Variants in UBE3D observed in about 807,000 individuals in gnomAD.
UBE3D encodes ubiquitin protein ligase E3D.
UBE3D carries 48 observed loss-of-function variants against 49.6 expected under a neutral mutation model. The ratio of observed to expected loss-of-function variants is 0.97; its 90% CI spans 0.77 to 1.23. The LOEUF is 1.23. Ranked by LOEUF, UBE3D falls within the 50% of genes most tolerant of loss-of-function variation. The pLI, the probability that UBE3D is intolerant of heterozygous loss-of-function variation, is 0.00. For missense variants in UBE3D, 452 were observed against 468.4 expected, an observed-to-expected ratio of 0.96 and a Z score of 0.32; for synonymous variants, 189 against 174.2, an observed-to-expected ratio of 1.08 and a Z score of -0.67.
intron 5 of UBE3D, among the ~76,000 whole-genome samples, chr6:83,034,597 C>T (rs1162821427): frequency 6.6e-6 from 1 of 151,960 alleles, no homozygotes; most frequent in Non-Finnish European, 1.5e-5. Context: ...GCACCATCTC[C>T]CCCGTCTCAC....
At chr6:82,909,740 T>C (rs976200406) in intron 9 of UBE3D, among the ~76,000 whole-genome samples, 1 of 152,216 alleles carries the variant, frequency 6.6e-6, no homozygotes, top group African/African-American at 2.4e-5. Context: ...GTCACCTTCA[T>C]GTTGATTCTC....
intron 9 of UBE3D, among the ~76,000 whole-genome samples, chr6:82,913,174 G>A (rs1772652917): frequency 6.6e-6 from 1 of 152,160 alleles, no homozygotes. Flanking sequence ...GTTTCCTCAT[G>A]TGAAAAACAG....
intron 9 of UBE3D, among the ~76,000 whole-genome samples, chr6:82,908,492 A>T (rs1304808181): frequency 6.6e-6 from 1 of 152,202 alleles, no homozygotes; most frequent in Non-Finnish European, 1.5e-5. Flanking sequence ...TATACAATTC[A>T]TCCTTGTAAC....
chr6:82,971,542 CAA>C (rs1189128844), intron 8 of UBE3D, among the ~76,000 whole-genome samples: 8 of 151,916 alleles, frequency 5.3e-5, no homozygotes, highest in African/African-American at 1.9e-4. Context: ...AGTGTGAATG[CAA>C]AGTGTTTAGG....
chr6:82,911,223 A>AAAAAT (rs1772496649), intron 9 of UBE3D, among the ~76,000 whole-genome samples: 9 of 149,356 alleles, frequency 6.0e-5, no homozygotes, highest in African/African-American at 1.5e-4. Flanking sequence ...AAAAAAAAAA[A>AAAAAT]CTCAGGGGGG....
intron 8 of UBE3D, among the ~76,000 whole-genome samples, chr6:82,961,065 G>A (rs1409664704): frequency 6.6e-6 from 1 of 152,104 alleles, no homozygotes; most frequent in East Asian, 1.9e-4. Context: ...GGCCCATGAT[G>A]CTTTGGACCT....
Position 82,966,599 on chromosome 6 carries a change from G to C in UBE3D, c.1011-9149C>G, listed in dbSNP as rs1265720912. ...CGGGAGGCGGAGCTTGCAGTGAGCCGAGATCCCGCCACTGCACTCCAGCCT... is the reference window on the plus strand; with the variant it reads ...CGGGAGGCGGAGCTTGCAGTGAGCCCAGATCCCGCCACTGCACTCCAGCCT... On this transcript the variant is annotated intron_variant, in intron 8 of 9. Transcript: ENST00000369747. 2.2e-4 allele frequency among the ~76,000 whole-genome samples: 14 copies of C among 63,678 alleles called. 2 individuals are homozygous for C. The highest frequency in any genetic ancestry group is 3.6e-4 in the Non-Finnish European group (12 of 33,470). The allele number at this position is 63,678 out of a possible 152,430, so 41.8% of individuals were successfully genotyped here. A position where few individuals can be genotyped will look rare whatever the true frequency, so the allele number is the denominator to read the frequency against.
At chr6:82,956,940 C>G (rs1039917524) in intron 9 of UBE3D, among the ~76,000 whole-genome samples, 1 of 152,158 alleles carries the variant, frequency 6.6e-6, no homozygotes, top group African/African-American at 2.4e-5. Context: ...CCAGCCTGGG[C>G]AATACAGTGA....
At chr6:82,957,983 T>C (rs1011654638) in intron 8 of UBE3D, among the ~76,000 whole-genome samples, 1 of 152,140 alleles carries the variant, frequency 6.6e-6, no homozygotes, top group Non-Finnish European at 1.5e-5. Context: ...CAACTTATAA[T>C]ACAAATAAAA....
Position 82,943,760 on chromosome 6 carries a change from C to T in UBE3D, c.1149+13552G>A, listed in dbSNP as rs1033666539. On this transcript the variant is annotated intron_variant, in intron 9 of 9. Transcript: ENST00000369747. ...ACAGTCTTGAATTGTCAATGCCACCCCTCTCCCATTCCCCCACAGCACCTG... is the reference window on the plus strand; with the variant it reads ...ACAGTCTTGAATTGTCAATGCCACCTCTCTCCCATTCCCCCACAGCACCTG... Among the ~76,000 whole-genome samples the T allele has an allele frequency of 4.6e-5, 7 of 152,154 alleles. No homozygotes were observed. In the East Asian group the frequency reaches 1.3e-3, roughly 29 times the overall value.
intron 8 of UBE3D, among the ~76,000 whole-genome samples, chr6:82,963,275 C>A (rs1582480936): frequency 7.0e-6 from 1 of 143,534 alleles, no homozygotes; most frequent in African/African-American, 2.6e-5. Context: ...TGAATTCATA[C>A]AGTATATCCT....
At chr6:82,885,286 C>T in the UBE3D span, among the ~76,000 whole-genome samples, 1 of 152,144 alleles carries the variant, frequency 6.6e-6, no homozygotes, top group South Asian at 2.1e-4. Context: ...CTACCTTGTG[C>T]TCTGCAACCA....
the UBE3D span, among the ~76,000 whole-genome samples, chr6:82,881,711 A>G: frequency 6.6e-6 from 1 of 152,176 alleles, no homozygotes; most frequent in East Asian, 1.9e-4. Flanking sequence ...TGAAGGCTAT[A>G]GATAGCACTG....
intron 8 of UBE3D, among the ~76,000 whole-genome samples, chr6:82,967,696 C>CCTAGGCTGGAGTGCCT (rs1032572084): frequency 2.0e-5 from 3 of 151,930 alleles, no homozygotes; most frequent in African/African-American, 7.3e-5. Flanking sequence ...GGCTGGAGTG[C>CCTAGGCTGGAGTGCCT]AGTGGCGTGA....
Position 82,950,092 on chromosome 6 carries a change from C to T in UBE3D, c.1149+7220G>A, listed in dbSNP as rs527688099. On this transcript the variant is annotated intron_variant, in intron 9 of 9. Transcript: ENST00000369747. Reference sequence around the variant, plus strand: ...TGAAGAGACAACTCACAGAATGGAACGATACATTTGCACACTACCAATCTG... The same window carrying T: ...TGAAGAGACAACTCACAGAATGGAATGATACATTTGCACACTACCAATCTG... Among the ~76,000 whole-genome samples, 135 of 152,152 alleles carry T rather than the reference C, an allele frequency of 8.9e-4. 1 individual carries two copies. The highest frequency in any genetic ancestry group is 1.2e-3 in the Non-Finnish European group (81 of 67,994).
At chr6:82,901,351 A>G (rs1220606449) in intron 9 of UBE3D, among the ~76,000 whole-genome samples, 1 of 152,046 alleles carries the variant, frequency 6.6e-6, no homozygotes, top group Non-Finnish European at 1.5e-5. Flanking sequence ...CAGTCCCAGG[A>G]AACACTTTCA....
At chr6:82,968,055 A>G (rs1401792558) in intron 8 of UBE3D, among the ~76,000 whole-genome samples, 1 of 152,170 alleles carries the variant, frequency 6.6e-6, no homozygotes. Flanking sequence ...ATTATAAATA[A>G]TAGCTACGAG....
chr6:82,967,430 T>C (rs1777024225), intron 8 of UBE3D, among the ~76,000 whole-genome samples: 1 of 151,932 alleles, frequency 6.6e-6, no homozygotes, highest in East Asian at 1.9e-4. Context: ...TACGAGCATC[T>C]CTTAAGATAA....
intron 8 of UBE3D, among the ~76,000 whole-genome samples, chr6:83,000,914 G>A (rs780723197): frequency 5.9e-5 from 9 of 151,350 alleles, no homozygotes; most frequent in Non-Finnish European, 1.3e-4. Flanking sequence ...GGGCGCTCTC[G>A]GCTTACCGCA....
Sources: gnomAD v4.1 joint callset for allele counts (sites outside exome capture counted in the v4.1 genomes callset) on GRCh38, gnomAD v4.1.1 for gene constraint, MANE v1.5 for transcripts, NCBI Gene and HGNC (gene_info 2026-07-23, HGNC 2026-07-21) for gene names.